ABCB10: variants seen among roughly 807,000 people sequenced by gnomAD.
The protein encoded by ABCB10 is ATP-binding cassette sub-family B member 10, mitochondrial.
Under a neutral mutation model 65.4 loss-of-function variants are expected in ABCB10, and 54 were observed. The ratio of observed to expected loss-of-function variants is 0.83; its 90% CI spans 0.66 to 1.04. ABCB10 has a LOEUF of 1.04. Ranked by LOEUF, ABCB10 falls within the 50% of genes least tolerant of loss-of-function variation. The pLI, the probability that ABCB10 is intolerant of heterozygous loss-of-function variation, is 0.00. For synonymous variants in ABCB10, 418 were observed against 406.5 expected (o/e 1.03, Z -0.34); for missense variants, 846 against 976.6 (o/e 0.87, Z 1.78).
At chr1:229,546,303 A>G (rs1001131687) in intron 3 of ABCB10, among the ~76,000 whole-genome samples, 6 of 152,080 alleles carry the variant, frequency 3.9e-5, no homozygotes, top group Admixed American at 3.9e-4. Flanking sequence ...AACATAGTAT[A>G]TAATACATAT....
At position 229,556,014 on chromosome 1, in the gene ABCB10, G is replaced by A. The variant is rs115815686; in HGVS notation, c.517+2122C>T. 9.9e-3 allele frequency among the ~76,000 whole-genome samples: 1,498 copies of A among 151,242 alleles called. 26 individuals are homozygous for A. The highest frequency in any genetic ancestry group is 0.034 in the African/African-American group (1,403 of 41,232). On this transcript the variant is annotated intron_variant, in intron 1 of 12. Coordinates refer to ENST00000344517, the MANE Select transcript of ABCB10 (RefSeq NM_012089.3). ...AAAAAAAATAGTGTGCCAACCCTAGGCTTGTTTCTTCAAATTATATATTCA... is the reference window on the plus strand; with the variant it reads ...AAAAAAAATAGTGTGCCAACCCTAGACTTGTTTCTTCAAATTATATATTCA...
intron 3 of ABCB10, among the ~76,000 whole-genome samples, chr1:229,543,657 A>G (rs1418515556): frequency 6.6e-6 from 1 of 152,214 alleles, no homozygotes; most frequent in Non-Finnish European, 1.5e-5. Flanking sequence ...AGACTTAGAT[A>G]ATAAACAAGT....
rs141170788 is a variant in ABCB10 at position 229,549,326 on chromosome 1, T to C, written c.626A>G (p.Asp209Gly). 54 of 1,613,952 alleles carry C rather than the reference T, an allele frequency of 3.3e-5. No homozygotes were observed. The Middle Eastern group carries it at 8.2e-4, about 25-fold the overall frequency. ...CCCTAGGCAGAGGCGGGTCAGGTTG[T>C]CGCTGTAGTCCACAGTGGGGTTGGT... ...IYTNPTVDYSDNLTRLCLGLS... is the reference protein window; with the variant it reads ...IYTNPTVDYSGNLTRLCLGLS... Residue 209 changes from aspartate to glycine, a missense_variant, in exon 2 of 13, where the codon GAC (aspartate) becomes GGC (glycine). Physicochemically the swap from Asp to Gly is moderately conservative, Grantham distance 94. Around this residue, in one of 2 missense-constraint regions of ABCB10, gnomAD observed 632 missense variants for 803.2 expected, o/e 0.79. Coordinates refer to ENST00000344517, the MANE Select transcript of ABCB10 (RefSeq NM_012089.3).
chr1:229,553,460 C>A (rs565786013), intron 1 of ABCB10, among the ~76,000 whole-genome samples: 1 of 152,040 alleles, frequency 6.6e-6, no homozygotes. Context: ...AAAGGAGCAG[C>A]GGACAGAGCA....
intron 8 of ABCB10, 29 bp from the exon 9 acceptor site, chr1:229,527,337 T>G: frequency 6.3e-7 from 1 of 1,581,464 alleles, no homozygotes; most frequent in Non-Finnish European, 8.7e-7. Context: ...AAGGAAAGAG[T>G]CACTGAGTGT....
In ABCB10 at chr1:229,531,682, C is replaced by T. The variant is rs202239030; in HGVS notation, c.1389G>A (p.Gly463=). Residue 463 remains glycine, a synonymous_variant, in exon 7 of 13, where the codon GGG becomes GGA. Coordinates refer to ENST00000344517, the MANE Select transcript of ABCB10 (RefSeq NM_012089.3). ...CTCTCTCCAGGAGCTCCCAGAGGCGCCCCCCTGCACCCAGTCCTTTCATCA... is the reference window on the plus strand; with the variant it reads ...CTCTCTCCAGGAGCTCCCAGAGGCGTCCCCCTGCACCCAGTCCTTTCATCA... ...SELMKGLGAG[G]RLWELLEREP... 1.9e-6 allele frequency: 3 copies of T among 1,613,764 alleles called. No individual in the cohort carries two copies. Among genetic ancestry groups the T allele is most frequent in the Middle Eastern group, 1.7e-4 (1 of 6,056 alleles).
intron 1 of ABCB10, among the ~76,000 whole-genome samples, chr1:229,556,844 C>T (rs1330751171): frequency 6.6e-6 from 1 of 152,234 alleles, no homozygotes; most frequent in East Asian, 1.9e-4. Flanking sequence ...TCACTGAAGG[C>T]ACTCTGAGCG....
chr1:229,547,798 T>A (rs1663005312), intron 2 of ABCB10, 97 bp from the exon 3 acceptor site: 1 of 1,191,918 alleles, frequency 8.4e-7, no homozygotes, highest in Non-Finnish European at 1.2e-6. Flanking sequence ...CCTGGAGTTG[T>A]AACCCTCCTG....
intron 8 of ABCB10, among the ~76,000 whole-genome samples, chr1:229,527,999 G>A (rs769567583): frequency 1.6e-4 from 25 of 152,198 alleles, no homozygotes; most frequent in African/African-American, 6.0e-4. Flanking sequence ...TAAATAATCA[G>A]ACGCTATCTT....
intron 1 of ABCB10, among the ~76,000 whole-genome samples, chr1:229,556,717 G>A (rs78595066): frequency 1.8e-3 from 276 of 152,236 alleles, no homozygotes; most frequent in African/African-American, 6.0e-3. Flanking sequence ...AAACAAAACA[G>A]AACTGGATTT....
At chr1:229,521,569 C>A in intron 11 of ABCB10, 23 bp downstream of exon 11, 1 of 1,574,828 alleles carries the variant, frequency 6.3e-7, no homozygotes, top group Non-Finnish European at 8.6e-7. Flanking sequence ...ATTTAAAAAA[C>A]ATCCAAGTCG....
intron 6 of ABCB10, among the ~76,000 whole-genome samples, chr1:229,537,264 T>C (rs566370693): frequency 2.6e-5 from 4 of 152,350 alleles, no homozygotes; most frequent in Non-Finnish European, 5.9e-5. Flanking sequence ...CACCACTGAA[T>C]TGTAAACTTG....
intron 1 of ABCB10, among the ~76,000 whole-genome samples, chr1:229,550,987 C>T (rs1054416761): frequency 6.6e-6 from 1 of 152,108 alleles, no homozygotes; most frequent in Non-Finnish European, 1.5e-5. Context: ...CTATGTTGCC[C>T]AGGCTGGTAT....
intron 6 of ABCB10, among the ~76,000 whole-genome samples, chr1:229,534,469 T>C (rs960547737): frequency 6.6e-6 from 1 of 152,062 alleles, no homozygotes; most frequent in East Asian, 1.9e-4. Flanking sequence ...CTCACACCTG[T>C]AATCCCAGCA....
chr1:229,539,019 A>G (rs1394810846), intron 6 of ABCB10, among the ~76,000 whole-genome samples: 3 of 152,188 alleles, frequency 2.0e-5, no homozygotes, highest in Non-Finnish European at 2.9e-5. Flanking sequence ...TTGCTCATTA[A>G]TTTTGAATAT....
At chr1:229,545,259 C>T (rs927204) in intron 3 of ABCB10, among the ~76,000 whole-genome samples, 19,983 of 152,200 alleles carry the variant, frequency 0.13, 1,547 homozygotes, top group East Asian at 0.29. Flanking sequence ...GGGTCCTCTT[C>T]CAGAGGTTTG....
At chr1:229,523,844 G>A (rs1662371543) in intron 10 of ABCB10, among the ~76,000 whole-genome samples, 1 of 152,126 alleles carries the variant, frequency 6.6e-6, no homozygotes, top group South Asian at 2.1e-4. Flanking sequence ...ACCACGAGCA[G>A]TTTACACTGG....
chr1:229,546,311 T>C (rs1177461228), intron 3 of ABCB10, among the ~76,000 whole-genome samples: 2 of 152,052 alleles, frequency 1.3e-5, no homozygotes, highest in East Asian at 3.9e-4. Context: ...ATATAATACA[T>C]ATACCAAATA....
At chr1:229,541,955 A>C (rs1662858364) in intron 4 of ABCB10, among the ~76,000 whole-genome samples, 1 of 151,004 alleles carries the variant, frequency 6.6e-6, no homozygotes, top group African/African-American at 2.5e-5. Flanking sequence ...TTGTCTCAAA[A>C]AAAAAAAACA....
Sources: gnomAD v4.1 joint callset for allele counts (sites outside exome capture counted in the v4.1 genomes callset) on GRCh38, gnomAD v4.1.1 for gene constraint, gnomAD v4.1.1 regional missense constraint, MANE v1.5 for transcripts, NCBI Gene and HGNC (gene_info 2026-07-23, HGNC 2026-07-21) for gene names.